The following ASIC2 variants were observed in gnomAD, a reference collection of about 807,000 sequenced individuals.
The protein encoded by ASIC2 is acid-sensing ion channel 2.
ASIC2 carries 25 observed loss-of-function variants against 57.3 expected under a neutral mutation model. The ratio of observed to expected loss-of-function variants is 0.44; its 90% confidence interval spans 0.32 to 0.61. ASIC2 has a LOEUF of 0.61. Ranked by LOEUF, ASIC2 falls within the 20% of genes least tolerant of loss-of-function variation. The pLI is 0.06. For missense variants in ASIC2, 641 were observed against 738.1 expected, an observed-to-expected ratio of 0.87 and a Z score of 1.52; for synonymous variants, 319 against 307.5, an observed-to-expected ratio of 1.04 and a Z score of -0.39.
intron 3 of ASIC2, among the ~76,000 whole-genome samples, chr17:33,031,960 C>T (rs2091885519): frequency 6.6e-6 from 1 of 152,138 alleles, no homozygotes; most frequent in Non-Finnish European, 1.5e-5. Context: ...TTTCATCCTT[C>T]TACTTTTAAC....
At chr17:33,247,117 G>A in intron 1 of ASIC2, among the ~76,000 whole-genome samples, 1 of 152,176 alleles carries the variant, frequency 6.6e-6, no homozygotes, top group South Asian at 2.1e-4. Flanking sequence ...CGTTTATTAA[G>A]GTTTCATTAC....
chr17:33,452,993 G>A (rs534847515), intron 1 of ASIC2, among the ~76,000 whole-genome samples: 25 of 152,200 alleles, frequency 1.6e-4, no homozygotes, highest in African/African-American at 5.1e-4. Context: ...GTGTTTTTCC[G>A]CACAGGCACT....
intron 3 of ASIC2, among the ~76,000 whole-genome samples, chr17:33,063,490 C>T (rs2092029440): frequency 1.3e-5 from 2 of 152,002 alleles, no homozygotes; most frequent in Admixed American, 6.5e-5. Flanking sequence ...AATATTGGCC[C>T]CCCCTCTCTT....
intron 1 of ASIC2, among the ~76,000 whole-genome samples, chr17:34,136,565 G>T (rs1174973676): frequency 1.3e-5 from 2 of 152,156 alleles, no homozygotes; most frequent in East Asian, 3.9e-4. Context: ...GAAAATCTTT[G>T]AATCCAATCA....
chr17:34,036,758 G>A (rs1907904150), intron 1 of ASIC2: 1 of 130,222 alleles, frequency 7.7e-6, no homozygotes, highest in Admixed American at 8.8e-5. Context: ...TAAATTAAAA[G>A]GGACAACCGT....
chr17:33,502,604 G>A (rs1597754334), intron 1 of ASIC2, among the ~76,000 whole-genome samples: 1 of 152,170 alleles, frequency 6.6e-6, no homozygotes, highest in Admixed American at 6.5e-5. Context: ...CATTGTCAAC[G>A]ACTGGAGTAG....
intron 1 of ASIC2, among the ~76,000 whole-genome samples, chr17:33,563,491 C>G (rs2141985720): frequency 6.6e-6 from 1 of 152,298 alleles, no homozygotes; most frequent in East Asian, 1.9e-4. Flanking sequence ...TGCTCCCCAT[C>G]CCCAGCCCAC....
At chr17:33,502,700 A>G (rs1387807993) in intron 1 of ASIC2, among the ~76,000 whole-genome samples, 1 of 152,188 alleles carries the variant, frequency 6.6e-6, no homozygotes, top group Non-Finnish European at 1.5e-5. Flanking sequence ...CTATTTTCCC[A>G]TGAAATCAGT....
intron 1 of ASIC2, among the ~76,000 whole-genome samples, chr17:33,307,505 T>A (rs1301889681): frequency 6.6e-6 from 1 of 152,160 alleles, no homozygotes; most frequent in East Asian, 1.9e-4. Flanking sequence ...AGACAGGATT[T>A]CACCATGTTG....
intron 1 of ASIC2, among the ~76,000 whole-genome samples, chr17:34,051,332 A>T (rs1266717642): frequency 1.3e-5 from 2 of 152,106 alleles, no homozygotes; most frequent in East Asian, 3.9e-4. Flanking sequence ...AATGCACAGG[A>T]TCTGTTCTCG....
At chr17:33,016,649 C>T (rs2091807300) in intron 8 of ASIC2, among the ~76,000 whole-genome samples, 1 of 151,994 alleles carries the variant, frequency 6.6e-6, no homozygotes, top group Non-Finnish European at 1.5e-5. Context: ...ATGAGATTCT[C>T]CAGAGGAGCC....
chr17:33,519,680 ATT>A (rs1306716121), intron 1 of ASIC2, among the ~76,000 whole-genome samples: 1 of 152,106 alleles, frequency 6.6e-6, no homozygotes, highest in Non-Finnish European at 1.5e-5. Flanking sequence ...AAAGGACTGG[ATT>A]TAGCACTTTC....
chr17:34,011,085 GCA>G (rs140189283), intron 1 of ASIC2, among the ~76,000 whole-genome samples: 116 of 36,750 alleles, frequency 3.2e-3, no homozygotes, highest in South Asian at 5.3e-3. Flanking sequence ...GCAGACACAT[GCA>G]CACACACACA....
intron 1 of ASIC2, among the ~76,000 whole-genome samples, chr17:33,372,532 C>T (rs569301610): frequency 3.3e-5 from 5 of 152,230 alleles, no homozygotes; most frequent in South Asian, 2.1e-4. Flanking sequence ...CTGGAACTAC[C>T]GCCCTTCCCA....
At chr17:33,765,592 T>C (rs1296296380) in intron 1 of ASIC2, among the ~76,000 whole-genome samples, 1 of 152,212 alleles carries the variant, frequency 6.6e-6, no homozygotes, top group Non-Finnish European at 1.5e-5. Flanking sequence ...ATTTCAGTGA[T>C]ACAATGTCCA....
At chr17:33,992,151 A>T (rs1444837422) in intron 1 of ASIC2, among the ~76,000 whole-genome samples, 1 of 152,162 alleles carries the variant, frequency 6.6e-6, no homozygotes, top group Non-Finnish European at 1.5e-5. Context: ...GAGACCCACA[A>T]GCTATCCACC....
At chr17:33,317,560 C>A (rs533175463) in intron 1 of ASIC2, among the ~76,000 whole-genome samples, 149 of 152,286 alleles carry the variant, frequency 9.8e-4, no homozygotes, top group African/African-American at 3.5e-3. Context: ...CCTTTCCACC[C>A]AAATGACTTT....
At chr17:33,929,417 T>G (rs998063849) in intron 1 of ASIC2, among the ~76,000 whole-genome samples, 5 of 152,198 alleles carry the variant, frequency 3.3e-5, no homozygotes, top group Non-Finnish European at 7.3e-5. Flanking sequence ...ACCAACCTCA[T>G]TTAGGTAATT....
rs571587844 is a variant in ASIC2, at chr17:33,805,921, T to G, written c.555+350057A>C. Among the ~76,000 whole-genome samples the G allele has an allele frequency of 2.6e-4, 40 of 152,342 alleles. No homozygotes were observed. The South Asian group carries it at 8.1e-3, about 31-fold the overall frequency. On this transcript the variant is annotated intron_variant, in intron 1 of 9. Transcript: ENST00000359872. Reference sequence around the variant, plus strand: ...CTTGCTTAAAGCCCCTGCTCCATCTTGCACATCCATATACACACACTTGCA... The same window carrying G: ...CTTGCTTAAAGCCCCTGCTCCATCTGGCACATCCATATACACACACTTGCA...
Sources: gnomAD v4.1 joint callset for allele counts (sites outside exome capture counted in the v4.1 genomes callset) on GRCh38, gnomAD v4.1.1 for gene constraint, MANE v1.5 for transcripts, NCBI Gene and HGNC (gene_info 2026-07-23, HGNC 2026-07-21) for gene names.